Variants in NKAIN2 observed in about 807,000 individuals in gnomAD.
NKAIN2 encodes sodium/potassium transporting ATPase interacting 2, also known as sodium/potassium-transporting ATPase subunit beta-1-interacting protein 2.
NKAIN2 carries 14 observed loss-of-function variants against 32.6 expected under a neutral mutation model. The observed-to-expected ratio is 0.43, with a 90% confidence interval of 0.28 to 0.67. The LOEUF (loss-of-function observed/expected upper bound fraction) is 0.67. Ranked by LOEUF, NKAIN2 falls within the 30% of genes least tolerant of loss-of-function variation. The probability of loss-of-function intolerance (pLI) is 0.17; values close to 1 mark genes in which losing one functional copy is unlikely to be tolerated. For missense variants in NKAIN2, 198 were observed against 258.3 expected, an observed-to-expected ratio of 0.77 and a Z score of 1.60; for synonymous variants, 80 against 87.2, an observed-to-expected ratio of 0.92 and a Z score of 0.46.
chr6:124,133,965 A>C (rs1786604977), intron 1 of NKAIN2, among the ~76,000 whole-genome samples: 1 of 152,170 alleles, frequency 6.6e-6, no homozygotes, highest in Non-Finnish European at 1.5e-5. Flanking sequence ...CAATATGACA[A>C]AACAGAGTTC....
At chr6:124,157,018 G>A (rs1225729712) in intron 1 of NKAIN2, among the ~76,000 whole-genome samples, 3 of 135,844 alleles carry the variant, frequency 2.2e-5, no homozygotes, top group Non-Finnish European at 4.6e-5. Context: ...CAGGAGAATT[G>A]CTTGAACCCG....
At chr6:124,290,083 G>C (rs1408260110) in intron 2 of NKAIN2, among the ~76,000 whole-genome samples, 1 of 151,998 alleles carries the variant, frequency 6.6e-6, no homozygotes, top group Non-Finnish European at 1.5e-5. Context: ...CAAGTTTAAT[G>C]GATTTAGCCT....
intron 1 of NKAIN2, among the ~76,000 whole-genome samples, chr6:124,188,261 G>A (rs73770355): frequency 2.0e-5 from 3 of 152,086 alleles, no homozygotes; most frequent in Non-Finnish European, 4.4e-5. Flanking sequence ...CAAAGAATTG[G>A]CTCATCTGAT....
rs371710970 is a variant in NKAIN2 at position 124,337,333 on chromosome 6, C to T, written c.193-17934C>T. 3.9e-5 allele frequency among the ~76,000 whole-genome samples: 6 copies of T among 152,070 alleles called. No homozygotes were observed. The East Asian group carries it at 5.9e-4, about 15-fold the overall frequency. On this transcript the variant is annotated intron_variant, in intron 2 of 6. Transcript: ENST00000368417. ...ATAAGATGGCAAGACCCTGTCTCTA[C>T]GAAACTACAAAATAATAATAATAAT...
chr6:124,482,145 C>T lies in NKAIN2; in HGVS notation c.273+126798C>T, dbSNP rs139582546. The stretch of plus-strand genomic sequence containing the variant: ...AAAGCAAATTAAACTGGCTGAGTTA[C>T]AAACCTCTCAAAAATTGGATTTATA... On this transcript the variant is annotated intron_variant, in intron 3 of 6. Transcript: ENST00000368417. 8.0e-3 allele frequency among the ~76,000 whole-genome samples: 1,219 copies of T among 152,240 alleles called. 16 individuals carry two copies. Among genetic ancestry groups the T allele is most frequent in the African/African-American group, 0.028 (1,165 of 41,544 alleles).
intron 3 of NKAIN2, among the ~76,000 whole-genome samples, chr6:124,555,318 A>C (rs758052086): frequency 9.4e-6 from 1 of 106,372 alleles, no homozygotes; most frequent in East Asian, 3.0e-4. Context: ...CTGGAATTTG[A>C]AGCATGAATG....
chr6:124,060,157 G>T (rs1306324430), intron 1 of NKAIN2, among the ~76,000 whole-genome samples: 1 of 152,128 alleles, frequency 6.6e-6, no homozygotes, highest in Non-Finnish European at 1.5e-5. Flanking sequence ...TGCTGTGTGG[G>T]CTAATGGACC....
At chr6:124,012,383 TG>T (rs1780378008) in intron 1 of NKAIN2, among the ~76,000 whole-genome samples, 1 of 148,016 alleles carries the variant, frequency 6.8e-6, no homozygotes, top group African/African-American at 2.5e-5. Flanking sequence ...TCACCCAGGC[TG>T]GAGTTCAATG....
intron 1 of NKAIN2, among the ~76,000 whole-genome samples, chr6:123,949,437 A>G (rs1448983708): frequency 6.6e-6 from 1 of 151,982 alleles, no homozygotes; most frequent in African/African-American, 2.4e-5. Context: ...CCGTGAGCAT[A>G]GTATGGCTTT....
In NKAIN2 at chr6:123,914,136, C is replaced by G. The variant is rs1434520903; in HGVS notation, c.54+109882C>G. Among the ~76,000 whole-genome samples the G allele has an allele frequency of 2.0e-5, 3 of 152,132 alleles. No individual in the cohort carries two copies. In the East Asian group the frequency reaches 5.8e-4, roughly 29 times the overall value. On this transcript the variant is annotated intron_variant, in intron 1 of 6. Transcript: ENST00000368417. ...AAGATGAGAGTGTTACATGGTTAGT[C>G]TGGTGAGGGCCCTCTTTCTCTCTTA...
intron 3 of NKAIN2, among the ~76,000 whole-genome samples, chr6:124,598,591 T>C (rs914105464): frequency 2.0e-5 from 3 of 151,846 alleles, no homozygotes; most frequent in African/African-American, 7.3e-5. Flanking sequence ...TTCAGTAAGC[T>C]TGGAAGTACA....
chr6:124,391,144 A>G (rs1444421937), intron 3 of NKAIN2: 2 of 152,152 alleles, frequency 1.3e-5, no homozygotes, highest in Non-Finnish European at 2.9e-5. Context: ...GAATGGTTAA[A>G]GCCTTGCTAT....
At chr6:123,914,688 T>C (rs1775402425) in intron 1 of NKAIN2, among the ~76,000 whole-genome samples, 1 of 152,134 alleles carries the variant, frequency 6.6e-6, no homozygotes, top group South Asian at 2.1e-4. Context: ...CCCGGCTGTC[T>C]CACTCAGGTC....
At chr6:124,155,378 C>T (rs1262201012) in intron 1 of NKAIN2, among the ~76,000 whole-genome samples, 1 of 151,910 alleles carries the variant, frequency 6.6e-6, no homozygotes, top group Admixed American at 6.6e-5. Context: ...CTGATCTGAT[C>T]GCTGTACATC....
At chr6:124,755,839 C>T (rs900945901) in intron 4 of NKAIN2, among the ~76,000 whole-genome samples, 1 of 152,086 alleles carries the variant, frequency 6.6e-6, no homozygotes, top group African/African-American at 2.4e-5. Flanking sequence ...ATGTAACAAA[C>T]CTGCATATGT....
At chr6:124,621,427 A>C (rs184651068) in intron 3 of NKAIN2, among the ~76,000 whole-genome samples, 8 of 152,062 alleles carry the variant, frequency 5.3e-5, no homozygotes, top group Non-Finnish European at 1.0e-4. Context: ...CTTCTCTCCT[A>C]CTCTTGGTTT....
chr6:124,329,457 T>C (rs1797561547), intron 2 of NKAIN2, among the ~76,000 whole-genome samples: 1 of 152,154 alleles, frequency 6.6e-6, no homozygotes, highest in South Asian at 2.1e-4. Flanking sequence ...CTTTATTCCC[T>C]AATGGAAGCA....
intron 1 of NKAIN2, among the ~76,000 whole-genome samples, chr6:124,219,520 C>T (rs919303649): frequency 6.6e-6 from 1 of 151,960 alleles, no homozygotes; most frequent in African/African-American, 2.4e-5. Flanking sequence ...TCAAATGATG[C>T]CGCTGCCTAA....
At chr6:124,446,640 A>G (rs1335102596) in intron 3 of NKAIN2, among the ~76,000 whole-genome samples, 1 of 152,144 alleles carries the variant, frequency 6.6e-6, no homozygotes, top group Non-Finnish European at 1.5e-5. Flanking sequence ...GTCACACCTG[A>G]CAAAAATATA....
Sources: gnomAD v4.1 joint callset for allele counts (sites outside exome capture counted in the v4.1 genomes callset) on GRCh38, gnomAD v4.1.1 for gene constraint, MANE v1.5 for transcripts, NCBI Gene and HGNC (gene_info 2026-07-23, HGNC 2026-07-21) for gene names.